The following ACYP2 variants were observed in gnomAD, a reference collection of about 807,000 sequenced individuals.
The protein encoded by ACYP2 is acylphosphatase 2, also known as acylphosphatase-2.
ACYP2 carries 12 observed loss-of-function variants against 11.2 expected under a neutral mutation model. The observed-to-expected ratio is 1.08, with a 90% confidence interval of 0.69 to 1.74. ACYP2 has a LOEUF of 1.74. Ranked by LOEUF, ACYP2 falls within the 40% of genes most tolerant of loss-of-function variation. The pLI is 0.00. For missense variants in ACYP2, 134 were observed against 101.9 expected (o/e 1.31, Z -1.35); for synonymous variants, 43 against 32.2 (o/e 1.33, Z -1.13).
At chr2:54,301,709 C>G (rs1236984441) in intron 6 of ACYP2, among the ~76,000 whole-genome samples, 2 of 152,086 alleles carry the variant, frequency 1.3e-5, no homozygotes, top group Non-Finnish European at 2.9e-5. Context: ...ATTTCACACT[C>G]TTTCTCATTA....
At chr2:54,135,758 G>A (rs184295348) in intron 5 of ACYP2, among the ~76,000 whole-genome samples, 1 of 152,270 alleles carries the variant, frequency 6.6e-6, no homozygotes, top group Admixed American at 6.5e-5. Context: ...TACAAAGTAT[G>A]GGACTTTCTA....
chr2:54,156,113 G>T (rs1161913666), intron 6 of ACYP2, among the ~76,000 whole-genome samples: 1 of 152,126 alleles, frequency 6.6e-6, no homozygotes, highest in Non-Finnish European at 1.5e-5. Flanking sequence ...TCTGTATTCT[G>T]TTGCTGTTGG....
chr2:54,134,982 T>C (rs568213718), intron 4 of ACYP2, among the ~76,000 whole-genome samples: 24 of 152,378 alleles, frequency 1.6e-4, no homozygotes, highest in African/African-American at 4.3e-4. Flanking sequence ...ACAATGTTTT[T>C]CTTTCCTTAT....
chr2:54,010,113 G>A (rs1302719779), intron 2 of ACYP2, among the ~76,000 whole-genome samples: 2 of 152,270 alleles, frequency 1.3e-5, no homozygotes, highest in East Asian at 3.9e-4. Flanking sequence ...CTTGGAGGTT[G>A]AGCAGATTTG....
rs181089387 is a variant in ACYP2 at position 54,027,414 on chromosome 2, A to G, written c.63-23544A>G. 2.5e-3 allele frequency among the ~76,000 whole-genome samples: 375 copies of G among 152,316 alleles called. 3 individuals carry two copies. Among genetic ancestry groups the G allele is most frequent in the African/African-American group, 8.7e-3 (362 of 41,560 alleles). Reference sequence around the variant, plus strand: ...GAAGAAATATCAAACAGGGATGCCAAGAAGAAACTGAACAAACGAGCCTAA... The same window carrying G: ...GAAGAAATATCAAACAGGGATGCCAGGAAGAAACTGAACAAACGAGCCTAA... On this transcript the variant is annotated intron_variant, in intron 2 of 6. Transcript: ENST00000607452.
intron 6 of ACYP2, among the ~76,000 whole-genome samples, chr2:54,181,492 C>A (rs185716224): frequency 1.3e-5 from 2 of 152,236 alleles, no homozygotes; most frequent in Non-Finnish European, 2.9e-5. Context: ...ATAGTAGTAG[C>A]AGAATTAAAC....
intron 6 of ACYP2, among the ~76,000 whole-genome samples, chr2:54,248,825 A>C (rs73934415): frequency 0.014 from 2,099 of 152,328 alleles, 57 homozygotes; most frequent in African/African-American, 0.046. Flanking sequence ...TGAATTATAA[A>C]TTCTACAGAG....
intron 6 of ACYP2, among the ~76,000 whole-genome samples, chr2:54,218,597 A>G (rs1685656178): frequency 6.6e-6 from 1 of 152,176 alleles, no homozygotes; most frequent in Admixed American, 6.5e-5. Context: ...TTTGGTGGAA[A>G]TCCAATTAAA....
At chr2:54,048,910 C>T (rs1675673435) in intron 2 of ACYP2, among the ~76,000 whole-genome samples, 1 of 152,126 alleles carries the variant, frequency 6.6e-6, no homozygotes, top group Non-Finnish European at 1.5e-5. Context: ...CAGGAAGCAA[C>T]AGCAGGGACA....
chr2:54,273,812 A>C (rs1484759817), intron 6 of ACYP2, among the ~76,000 whole-genome samples: 2 of 152,150 alleles, frequency 1.3e-5, no homozygotes, highest in Non-Finnish European at 2.9e-5. Flanking sequence ...ATATTCCAAT[A>C]ACCTTCCTGC....
chr2:53,980,767 T>G (rs528347192), intron 2 of ACYP2, among the ~76,000 whole-genome samples: 44 of 152,080 alleles, frequency 2.9e-4, no homozygotes, highest in African/African-American at 9.9e-4. Flanking sequence ...TTTTTTTTCT[T>G]TTTAGATAGG....
At chr2:53,974,712 A>G (rs960108078) in intron 2 of ACYP2, among the ~76,000 whole-genome samples, 1 of 152,228 alleles carries the variant, frequency 6.6e-6, no homozygotes, top group Non-Finnish European at 1.5e-5. Flanking sequence ...AAAGATCAAG[A>G]TAATGTTTTT....
intron 6 of ACYP2, among the ~76,000 whole-genome samples, chr2:54,278,750 A>G (rs896279636): frequency 4.6e-5 from 7 of 152,382 alleles, no homozygotes; most frequent in African/African-American, 1.7e-4. Context: ...ATAATGAAAC[A>G]TACCTATTTA....
intron 6 of ACYP2, among the ~76,000 whole-genome samples, chr2:54,184,669 G>A (rs1005574656): frequency 6.6e-6 from 1 of 152,138 alleles, no homozygotes; most frequent in Admixed American, 6.6e-5. Flanking sequence ...ATAAACGAAT[G>A]TGGTAAATAG....
At position 53,982,067 on chromosome 2, in the gene ACYP2, G is replaced by A. The variant is rs184301912; in HGVS notation, c.62+8257G>A. On this transcript the variant is annotated intron_variant, in intron 2 of 6. Transcript: ENST00000607452. ...ATAGTAAAGAGATGTATTTTTTAATGGTAATTGAAAAGATTCACAATAGAG... is the reference window on the plus strand; with the variant it reads ...ATAGTAAAGAGATGTATTTTTTAATAGTAATTGAAAAGATTCACAATAGAG... Among the ~76,000 whole-genome samples the A allele has an allele frequency of 1.4e-3, 207 of 152,118 alleles. 2 individuals are homozygous for A. The highest frequency in any genetic ancestry group is 3.1e-4 in the Non-Finnish European group (21 of 67,994).
chr2:54,295,118 T>C (rs987583259), intron 6 of ACYP2, among the ~76,000 whole-genome samples: 3 of 152,162 alleles, frequency 2.0e-5, no homozygotes, highest in Non-Finnish European at 2.9e-5. Flanking sequence ...TCCTGTGGTA[T>C]TGTAAGAATT....
intron 6 of ACYP2, among the ~76,000 whole-genome samples, chr2:54,267,009 T>G (rs779126545): frequency 6.6e-6 from 1 of 152,162 alleles, no homozygotes. Context: ...CCTTTTAAAC[T>G]CTACGGGGTA....
intron 4 of ACYP2, chr2:54,123,240 C>A: frequency 2.5e-6 from 1 of 397,520 alleles, no homozygotes; most frequent in Non-Finnish European, 4.4e-6. Flanking sequence ...ATGCTTTCTC[C>A]TGCAGAAATA....
At chr2:54,192,925 A>C (rs1684296355) in intron 6 of ACYP2, among the ~76,000 whole-genome samples, 1 of 152,192 alleles carries the variant, frequency 6.6e-6, no homozygotes, top group Non-Finnish European at 1.5e-5. Context: ...AACTACCCCC[A>C]TGATTCAGTT....
Sources: gnomAD v4.1 joint callset for allele counts (sites outside exome capture counted in the v4.1 genomes callset) on GRCh38, gnomAD v4.1.1 for gene constraint, MANE v1.5 for transcripts, NCBI Gene and HGNC (gene_info 2026-07-23, HGNC 2026-07-21) for gene names.